Variants in CNTN1 observed in about 807,000 individuals in gnomAD.
CNTN1 encodes contactin-1.
In CNTN1, 38 loss-of-function variants were observed where a neutral mutation model predicts 126.4. The observed-to-expected ratio is 0.30, with a 90% CI of 0.23 to 0.39. CNTN1 has a LOEUF of 0.39. Ranked by LOEUF, CNTN1 falls within the 10% of genes least tolerant of loss-of-function variation. CNTN1 has a pLI of 1.00. For synonymous variants in CNTN1, 413 were observed against 422.6 expected, an observed-to-expected ratio of 0.98 and a Z score of 0.28; for missense variants, 1,009 against 1,248.4, an observed-to-expected ratio of 0.81 and a Z score of 2.89.
Position 40,966,039 on chromosome 12 carries a change from C to CACACACAT in CNTN1, c.1804+6805_1804+6806insACACACAT, listed in dbSNP as rs1947298649. Reference sequence around the variant, plus strand: ...ACACACACACACACACACACACACACGCACGCATTGGAAGAGATCCAGGAA... The same window carrying CACACACAT: ...ACACACACACACACACACACACACACACACACATGCACGCATTGGAAGAGATCCAGGAA... On this transcript the variant is annotated intron_variant, in intron 15 of 23. Coordinates refer to ENST00000551295, the MANE Select transcript of CNTN1 (RefSeq NM_001843.4). Among the ~76,000 whole-genome samples, 3 of 148,818 alleles carry CACACACAT rather than the reference C, an allele frequency of 2.0e-5. No individual in the cohort carries two copies. The Admixed American group carries it at 2.0e-4, about 10-fold the overall frequency.
Position 40,936,809 on chromosome 12 carries a change from T to C in CNTN1, c.1014T>C (p.Asn338=), listed in dbSNP as rs935105. 0.12 allele frequency: 197,958 copies of C among 1,612,934 alleles called. 12,701 individuals carry two copies. The highest frequency in any genetic ancestry group is 0.17 in the African/African-American group (12,803 of 74,936). ...TCCCTGAGTGGGTAGAACACATCAA[T>C]GACACAGAGGTGGACATAGGCAGTG... is the stretch of plus-strand genomic sequence containing the variant. ...QAFPEWVEHI[N]DTEVDIGSDL... is the part of the protein sequence containing the mutation. The change falls in exon 10 of 24, where the codon AAT becomes AAC. Residue 338 remains asparagine (N), a synonymous_variant. Transcript: ENST00000551295.
intron 1 of CNTN1, among the ~76,000 whole-genome samples, chr12:40,779,458 A>T (rs1193531242): frequency 6.6e-6 from 1 of 151,782 alleles, no homozygotes; most frequent in Non-Finnish European, 1.5e-5. Context: ...CAGCTAAAGG[A>T]ATAATTAGTT....
At chr12:41,025,686 C>A (rs1303678157) in intron 21 of CNTN1, among the ~76,000 whole-genome samples, 1 of 152,144 alleles carries the variant, frequency 6.6e-6, no homozygotes, top group Non-Finnish European at 1.5e-5. Context: ...AACTAAAATT[C>A]TGCTTATTTT....
chr12:40,939,243 CTATTAA>C, intron 11 of CNTN1, 86 bp from the exon 12 acceptor site: 1 of 1,340,274 alleles, frequency 7.5e-7, no homozygotes, highest in Admixed American at 1.9e-5. Context: ...TTTCCATTAA[CTATTAA>C]GGAGAATAAA....
intron 23 of CNTN1, among the ~76,000 whole-genome samples, chr12:41,043,604 G>C (rs12811839): frequency 2.6e-5 from 4 of 151,834 alleles, no homozygotes; most frequent in Non-Finnish European, 5.9e-5. Flanking sequence ...TTCCTCAGGG[G>C]TCTAGAACTA....
chr12:40,868,827 C>A (rs1403831512), intron 1 of CNTN1, among the ~76,000 whole-genome samples: 1 of 152,038 alleles, frequency 6.6e-6, no homozygotes, highest in Non-Finnish European at 1.5e-5. Context: ...CAGCTGTAAC[C>A]TCACATGTCC....
intron 21 of CNTN1, among the ~76,000 whole-genome samples, chr12:41,026,620 C>T (rs1949042497): frequency 6.6e-6 from 1 of 152,166 alleles, no homozygotes; most frequent in African/African-American, 2.4e-5. Context: ...GGAAAGGCCA[C>T]TGGGTCCAGG....
chr12:41,025,726 T>C (rs1949023606), intron 21 of CNTN1, among the ~76,000 whole-genome samples: 2 of 152,188 alleles, frequency 1.3e-5, no homozygotes, highest in South Asian at 2.1e-4. Context: ...ACCTCTGTCA[T>C]TGCACAGTGC....
chr12:40,888,501 A>G (rs961977640), intron 1 of CNTN1, among the ~76,000 whole-genome samples: 1 of 152,198 alleles, frequency 6.6e-6, no homozygotes, highest in Admixed American at 6.5e-5. Flanking sequence ...GTCTGTAATC[A>G]TGGCTTGGTC....
At chr12:40,782,983 AAAGAG>A (rs1166936907) in intron 1 of CNTN1, among the ~76,000 whole-genome samples, 1 of 152,002 alleles carries the variant, frequency 6.6e-6, no homozygotes, top group African/African-American at 2.4e-5. Context: ...GGAATAAAGA[AAAGAG>A]GAGAGAAATT....
At chr12:40,769,417 A>C (rs1481882384) in intron 1 of CNTN1, among the ~76,000 whole-genome samples, 1 of 152,184 alleles carries the variant, frequency 6.6e-6, no homozygotes, top group African/African-American at 2.4e-5. Flanking sequence ...CAGACTATGA[A>C]GTGCATCTTG....
intron 23 of CNTN1, among the ~76,000 whole-genome samples, chr12:41,058,273 CATT>C (rs1045782839): frequency 6.6e-6 from 1 of 152,122 alleles, no homozygotes; most frequent in Non-Finnish European, 1.5e-5. Flanking sequence ...ACTATATCAT[CATT>C]GACAAACACC....
At chr12:41,004,461 G>T (rs745924327) in intron 17 of CNTN1, among the ~76,000 whole-genome samples, 1 of 152,130 alleles carries the variant, frequency 6.6e-6, no homozygotes, top group Non-Finnish European at 1.5e-5. Flanking sequence ...AGGTCCATTT[G>T]ATCCAATGCT....
At chr12:40,869,128 A>G (rs11178838) in intron 1 of CNTN1, among the ~76,000 whole-genome samples, 37,054 of 151,504 alleles carry the variant, frequency 0.24, 4,915 homozygotes, top group South Asian at 0.35. Flanking sequence ...TTTATAAAAC[A>G]CAAAATAATA....
chr12:40,940,985 G>A (rs1219455944), intron 12 of CNTN1, among the ~76,000 whole-genome samples: 3 of 152,088 alleles, frequency 2.0e-5, no homozygotes, highest in African/African-American at 4.8e-5. Context: ...GTTCTCTTCC[G>A]TGATAATAAA....
At chr12:40,740,040 A>T (rs1480386740) in intron 1 of CNTN1, among the ~76,000 whole-genome samples, 2 of 152,084 alleles carry the variant, frequency 1.3e-5, no homozygotes, top group African/African-American at 2.4e-5. Flanking sequence ...ATAAATTCTT[A>T]TGAACTACAC....
chr12:40,917,446 A>C (rs1041361272), intron 3 of CNTN1, among the ~76,000 whole-genome samples: 6 of 152,126 alleles, frequency 3.9e-5, no homozygotes, highest in Non-Finnish European at 7.4e-5. Flanking sequence ...AATTTGTCCA[A>C]AGGCACACTG....
intron 1 of CNTN1, among the ~76,000 whole-genome samples, chr12:40,854,815 G>T (rs1942840455): frequency 1.3e-5 from 2 of 152,062 alleles, no homozygotes; most frequent in African/African-American, 4.8e-5. Context: ...GATGGCGGAA[G>T]GAGAAAAAGT....
intron 1 of CNTN1, 150 bp from the exon 2 acceptor site, chr12:40,908,207 A>G: frequency 1.9e-6 from 1 of 525,214 alleles, no homozygotes; most frequent in South Asian, 2.4e-5. Flanking sequence ...AACGAAAAGC[A>G]TAAAGTCACA....
Sources: gnomAD v4.1 joint callset for allele counts (sites outside exome capture counted in the v4.1 genomes callset) on GRCh38, gnomAD v4.1.1 for gene constraint, MANE v1.5 for transcripts, NCBI Gene and HGNC (gene_info 2026-07-23, HGNC 2026-07-21) for gene names.